ZFYVE26: variants seen among roughly 807,000 people sequenced by gnomAD.
ZFYVE26 encodes the protein zinc finger FYVE-type containing 26, also known as zinc finger FYVE domain-containing protein 26.
Under a neutral mutation model 276.5 loss-of-function variants are expected in ZFYVE26, and 181 were observed. That is an observed-to-expected ratio of 0.65 (90% CI 0.58 to 0.74). The LOEUF (loss-of-function observed/expected upper bound fraction) is 0.74, where lower values mean the gene tolerates loss of function less well. ZFYVE26 is among the 30% of genes least tolerant of loss of function. The probability of loss-of-function intolerance (pLI) is 0.00; values close to 1 mark genes in which losing one functional copy is unlikely to be tolerated. For synonymous variants in ZFYVE26, 1,129 were observed against 1,203.1 expected, an observed-to-expected ratio of 0.94 and a Z score of 1.27; for missense variants, 2,821 against 3,097.9, an observed-to-expected ratio of 0.91 and a Z score of 2.12.
intron 26 of ZFYVE26, 89 bp downstream of exon 26, chr14:67,775,771 A>G: frequency 6.2e-7 from 1 of 1,601,848 alleles, no homozygotes; most frequent in Non-Finnish European, 8.5e-7. Flanking sequence ...TCAACCCAAA[A>G]TATTAAAAGG....
At chr14:67,761,955 T>A (rs1177241392) in intron 34 of ZFYVE26, 2 of 575,154 alleles carry the variant, frequency 3.5e-6, no homozygotes, top group East Asian at 6.1e-5. Flanking sequence ...TGGGATTATA[T>A]GTCATATGTC....
intron 28 of ZFYVE26, chr14:67,770,615 G>T (rs920316487): frequency 2.0e-5 from 3 of 151,956 alleles, no homozygotes; most frequent in Non-Finnish European, 4.4e-5. Context: ...ATTCTGATGT[G>T]TGTAATATAG....
chr14:67,775,229 C>A, intron 26 of ZFYVE26, 115 bp from the exon 27 acceptor site: 2 of 697,482 alleles, frequency 2.9e-6, no homozygotes, highest in Non-Finnish European at 2.4e-6. Flanking sequence ...TTCCATGACT[C>A]TACTAGGTAT....
rs1194437513 is a variant in ZFYVE26, at chr14:67,805,554, T to G, written c.1082A>C (p.Glu361Ala). 2 of 1,614,186 alleles carry G rather than the reference T, an allele frequency of 1.2e-6. No individual in the cohort carries two copies. The highest frequency in any genetic ancestry group is 1.3e-5 in the African/African-American group (1 of 75,060). The change falls in exon 7 of 42, where the codon GAA becomes GCA. Residue 361 changes from glutamate to alanine, a missense_variant. Coordinates refer to ENST00000347230, the MANE Select transcript of ZFYVE26 (RefSeq NM_015346.4). ...FPNLGCLLDR[E>A]FRPLSCLLVL... Reference sequence around the variant, plus strand: ...AAGCAGGCAACTGAGGGGCCTGAATTCTCTATCAAGTAGGCAGCCAAGATT... The same window carrying G: ...AAGCAGGCAACTGAGGGGCCTGAATGCTCTATCAAGTAGGCAGCCAAGATT...
At position 67,798,422 on chromosome 14, in the gene ZFYVE26, T is replaced by G. The variant is rs1286527568; in HGVS notation, c.1840A>C (p.Arg614=). ...DIEGKSPSGL[R]SPSESPQHIA... ...TGCTGAGGGCTCTCTGATGGGGACC[T>G]CAAACCTGAGGGGCTCTTCCCCTCA... is the stretch of plus-strand genomic sequence containing the variant. The change falls in exon 11 of 42, where the codon AGG becomes CGG. Residue 614 remains arginine, a synonymous_variant. Transcript: ENST00000347230. The G allele has an allele frequency of 6.2e-7, 1 of 1,613,514 alleles. No individual in the cohort carries two copies. The highest frequency in any genetic ancestry group is 1.3e-5 in the African/African-American group (1 of 74,892).
rs1296478009 is a variant in ZFYVE26, at chr14:67,807,730, C to G, written c.554G>C (p.Cys185Ser). 1 of 1,614,062 alleles carries G rather than the reference C, an allele frequency of 6.2e-7. No individual in the cohort carries two copies. The highest frequency in any genetic ancestry group is 1.3e-5 in the African/African-American group (1 of 74,934). Residue 185 changes from cysteine (C) to serine (S), a missense_variant, in exon 5 of 42, where the codon TGT (cysteine) becomes TCT (serine). Transcript: ENST00000347230. ...LLEEDDGTGLCHWPLQNALVD... is the reference protein window; with the variant it reads ...LLEEDDGTGLSHWPLQNALVD... Reference sequence around the variant, plus strand: ...CAGTGCATTCTGCAGAGGCCAGTGACAGAGGCCAGTACCGTCATCCTCCTC... The same window carrying G: ...CAGTGCATTCTGCAGAGGCCAGTGAGAGAGGCCAGTACCGTCATCCTCCTC...
chr14:67,752,289 G>T, intron 40 of ZFYVE26, 55 bp downstream of exon 40: 1 of 1,550,566 alleles, frequency 6.4e-7, no homozygotes, highest in Non-Finnish European at 8.8e-7. Context: ...TAAAGATGGG[G>T]ATGTGAAGAC....
intron 5 of ZFYVE26, among the ~76,000 whole-genome samples, chr14:67,806,992 G>A (rs2040194213): frequency 6.6e-6 from 1 of 152,108 alleles, no homozygotes; most frequent in Non-Finnish European, 1.5e-5. Flanking sequence ...ATACAGCGGT[G>A]CAAACACGGT....
intron 7 of ZFYVE26, 73 bp from the exon 8 acceptor site, chr14:67,805,378 G>T (rs2040158665): frequency 3.1e-6 from 5 of 1,613,126 alleles, no homozygotes; most frequent in Non-Finnish European, 4.2e-6. Context: ...TGATTTTAGG[G>T]CTCTGCATTC....
At position 67,809,385 on chromosome 14, in the gene ZFYVE26, C is replaced by T. The variant is rs540296595; in HGVS notation, c.274-96G>A. 88 of 778,704 alleles carry T rather than the reference C, an allele frequency of 1.1e-4. 1 individual carries two copies. In the South Asian group the frequency reaches 1.3e-3, roughly 12 times the overall value. The allele number at this position is 778,704 out of a possible 1,614,324, so 48.2% of individuals were successfully genotyped here. On this transcript the variant is annotated intron_variant, in intron 3 of 41. Coordinates refer to ENST00000347230, the MANE Select transcript of ZFYVE26 (RefSeq NM_015346.4). ...TTCTGTCCAGTTAGTCTTATTTCTG[C>T]TATTTCTCTAAGATGAAGCACTCTT... is the stretch of plus-strand genomic sequence containing the variant.
downstream of ZFYVE26, among the ~76,000 whole-genome samples, chr14:67,745,681 T>C (rs1358621096): frequency 1.3e-5 from 2 of 151,960 alleles, no homozygotes; most frequent in Non-Finnish European, 2.9e-5. Context: ...ATTTGGTTGA[T>C]ATTGAAAAGA....
At chr14:67,809,888 G>A (rs1449952049) in intron 3 of ZFYVE26, among the ~76,000 whole-genome samples, 5 of 150,262 alleles carry the variant, frequency 3.3e-5, no homozygotes, top group South Asian at 2.1e-4. Flanking sequence ...GGGTTCAAGC[G>A]ATTCTCCTGC....
chr14:67,744,559 C>T (rs1678307538), downstream of ZFYVE26, among the ~76,000 whole-genome samples: 2 of 152,064 alleles, frequency 1.3e-5, no homozygotes, highest in Admixed American at 1.3e-4. Context: ...TAATGCTCTC[C>T]CTTCTCTTTC....
chr14:67,812,903 A>G (rs2040332179), intron 3 of ZFYVE26, among the ~76,000 whole-genome samples: 1 of 152,202 alleles, frequency 6.6e-6, no homozygotes, highest in Admixed American at 6.6e-5. Context: ...ATCTGAAACC[A>G]TAGCCAACTC....
At chr14:67,755,340 T>A in intron 36 of ZFYVE26, 90 bp from the exon 37 acceptor site, 4 of 1,469,852 alleles carry the variant, frequency 2.7e-6, no homozygotes, top group Admixed American at 1.8e-5. Context: ...TTTCTGCCTA[T>A]GAGACCTTGT....
intron 10 of ZFYVE26, chr14:67,799,281 A>T (rs2040030700): frequency 6.2e-7 from 1 of 1,613,424 alleles, no homozygotes; most frequent in Non-Finnish European, 8.5e-7. Context: ...CTTTGCGTGC[A>T]GTACACAGAG....
At chr14:67,780,532 A>G (rs1317050002) in intron 22 of ZFYVE26, among the ~76,000 whole-genome samples, 187 bp from the exon 23 acceptor site, 4 of 152,208 alleles carry the variant, frequency 2.6e-5, no homozygotes, top group African/African-American at 7.2e-5. Flanking sequence ...CTATCCAGGA[A>G]GAACAAGCAG....
intron 34 of ZFYVE26, 86 bp from the exon 35 acceptor site, chr14:67,761,670 A>G (rs1295668452): frequency 1.7e-6 from 2 of 1,152,724 alleles, no homozygotes; most frequent in Admixed American, 3.9e-5. Flanking sequence ...AGAATATTTA[A>G]CAATGTGCAC....
downstream of ZFYVE26, among the ~76,000 whole-genome samples, chr14:67,742,715 C>T (rs529425125): frequency 6.6e-6 from 1 of 152,028 alleles, no homozygotes; most frequent in Non-Finnish European, 1.5e-5. Flanking sequence ...TTGGACATAG[C>T]TTGATGCATG....
Sources: allele counts gnomAD v4.1 joint callset (sites outside exome capture counted in the v4.1 genomes callset), GRCh38; gene constraint gnomAD v4.1.1; transcripts MANE v1.5; gene names NCBI Gene and HGNC (gene_info 2026-07-23, HGNC 2026-07-21).